DLGAP1: variants seen among roughly 807,000 people sequenced by gnomAD.
DLGAP1 encodes DLG associated protein 1, also known as disks large-associated protein 1.
DLGAP1 carries 11 observed loss-of-function variants against 90.8 expected under a neutral mutation model. The observed-to-expected ratio is 0.12, with a 90% CI of 0.08 to 0.20. The LOEUF is 0.20. Ranked by LOEUF, DLGAP1 falls within the 10% of genes least tolerant of loss-of-function variation. The pLI, the probability that DLGAP1 is intolerant of heterozygous loss-of-function variation, is 1.00. For missense variants in DLGAP1, 1,050 were observed against 1,333.8 expected (o/e 0.79, Z 3.31); for synonymous variants, 558 against 540.7 (o/e 1.03, Z -0.44).
intron 7 of DLGAP1, among the ~76,000 whole-genome samples, chr18:3,709,149 T>C (rs954240771): frequency 6.6e-6 from 1 of 152,188 alleles, no homozygotes; most frequent in East Asian, 1.9e-4. Context: ...TTGCAAATGA[T>C]GGCAAGTGCT....
Position 4,258,546 on chromosome 18 carries a change from A to G in DLGAP1, c.-266-107259T>C, listed in dbSNP as rs551992360. Among the ~76,000 whole-genome samples, 4 of 152,300 alleles carry G rather than the reference A, an allele frequency of 2.6e-5. No individual in the cohort carries two copies. The East Asian group carries it at 7.7e-4, about 29-fold the overall frequency. The stretch of plus-strand genomic sequence containing the variant: ...GAAAAATACAAAAAAAAAGCATGAT[A>G]TAATTGTGAACATTTTCCTACACAA... On this transcript the variant is annotated intron_variant, in intron 1 of 12. Transcript: ENST00000315677.
At chr18:3,673,715 T>C (rs930696503) in intron 7 of DLGAP1, among the ~76,000 whole-genome samples, 2 of 150,602 alleles carry the variant, frequency 1.3e-5, no homozygotes, top group African/African-American at 4.9e-5. Context: ...CCCAGCTAAT[T>C]TTTTATTTTT....
At chr18:4,140,552 C>T (rs1004635781) in intron 2 of DLGAP1, among the ~76,000 whole-genome samples, 4 of 151,744 alleles carry the variant, frequency 2.6e-5, no homozygotes, top group East Asian at 3.9e-4. Flanking sequence ...AGTCAAGATA[C>T]GAATAGTTTA....
At chr18:4,134,240 G>A (rs2076364226) in intron 2 of DLGAP1, among the ~76,000 whole-genome samples, 1 of 151,966 alleles carries the variant, frequency 6.6e-6, no homozygotes, top group Non-Finnish European at 1.5e-5. Flanking sequence ...ATCCTCCCCA[G>A]CTAATTCCTT....
chr18:3,595,913 T>A (rs2056548812), intron 7 of DLGAP1, among the ~76,000 whole-genome samples: 1 of 152,226 alleles, frequency 6.6e-6, no homozygotes, highest in Non-Finnish European at 1.5e-5. Context: ...TTTTCAACAT[T>A]TTTAACAATG....
Position 3,879,245 on chromosome 18 carries a change from T to G in DLGAP1, c.824A>C (p.Lys275Thr). 1.3e-6 allele frequency: 2 copies of G among 1,597,132 alleles called. No homozygotes were observed. Among genetic ancestry groups the G allele is most frequent in the Non-Finnish European group, 8.5e-7 (1 of 1,171,580 alleles). ...LPVSLDTPLLKKSAWSSTLTV... is the reference protein window; with the variant it reads ...LPVSLDTPLLTKSAWSSTLTV... ...GAGCGTGGAGGACCAGGCGCTCTTCTTCAGCAGCGGGGTGTCCAGGCTGAC... is the reference window on the plus strand; with the variant it reads ...GAGCGTGGAGGACCAGGCGCTCTTCGTCAGCAGCGGGGTGTCCAGGCTGAC... The change falls in exon 4 of 13, where the codon AAG (lysine) becomes ACG (threonine). Residue 275 changes from lysine (K) to threonine (T), a missense_variant. Around this residue, in one of 2 missense-constraint regions of DLGAP1, gnomAD observed 485 missense variants for 454.1 expected, o/e 1.07. Transcript: ENST00000315677. The surrounding 1 kb of genome is among the most constrained non-coding windows in gnomAD (Gnocchi z 6.6).
chr18:3,736,290 G>A (rs1404043572), intron 6 of DLGAP1, among the ~76,000 whole-genome samples: 1 of 152,010 alleles, frequency 6.6e-6, no homozygotes, highest in Admixed American at 6.6e-5. Flanking sequence ...TACTTTAAAA[G>A]CCCTCATTTT....
intron 2 of DLGAP1, among the ~76,000 whole-genome samples, chr18:4,110,516 T>C (rs893410361): frequency 1.3e-5 from 2 of 152,198 alleles, no homozygotes; most frequent in African/African-American, 4.8e-5. Flanking sequence ...TAAAAAATAC[T>C]GTGCACAGGC....
chr18:4,148,480 A>T (rs2076622517), intron 2 of DLGAP1, among the ~76,000 whole-genome samples: 1 of 152,238 alleles, frequency 6.6e-6, no homozygotes, highest in South Asian at 2.1e-4. Flanking sequence ...GGGAGCAGTA[A>T]ACTAATGAGG....
intron 1 of DLGAP1, among the ~76,000 whole-genome samples, chr18:4,235,123 T>C (rs1598687151): frequency 1.3e-5 from 2 of 152,052 alleles, no homozygotes; most frequent in African/African-American, 2.4e-5. Flanking sequence ...TACTCAAACC[T>C]GTTTTCCAGC....
chr18:4,187,366 C>T (rs781205596), intron 1 of DLGAP1, among the ~76,000 whole-genome samples: 49 of 152,118 alleles, frequency 3.2e-4, no homozygotes, highest in African/African-American at 1.0e-3. Flanking sequence ...GCCCAGTGAA[C>T]GCTCCTTTAA....
At chr18:3,515,549 T>G (rs1295061747) in intron 10 of DLGAP1, among the ~76,000 whole-genome samples, 1 of 146,012 alleles carries the variant, frequency 6.8e-6, no homozygotes, top group Non-Finnish European at 1.5e-5. Flanking sequence ...GAGGCCAAGA[T>G]AGGAGGATTG....
intron 10 of DLGAP1, among the ~76,000 whole-genome samples, chr18:3,509,363 T>C (rs2050410823): frequency 6.6e-6 from 1 of 152,200 alleles, no homozygotes. Flanking sequence ...GCTGAAAATC[T>C]CCGTCTCTGC....
rs370509898 is a variant in DLGAP1 at position 4,111,671 on chromosome 18, C to T, written c.-159+39509G>A. Among the ~76,000 whole-genome samples, 11 of 152,020 alleles carry T rather than the reference C, an allele frequency of 7.2e-5. No individual in the cohort carries two copies. In the East Asian group the frequency reaches 1.5e-3, roughly 21 times the overall value. ...TAGATTTTCTCTTTGTCTGATAATT[C>T]GTGTTTTTCTAGGAATTTGTCCATT... On this transcript the variant is annotated intron_variant, in intron 2 of 12. Coordinates refer to ENST00000315677, the MANE Select transcript of DLGAP1 (RefSeq NM_004746.4).
intron 2 of DLGAP1, among the ~76,000 whole-genome samples, chr18:4,094,511 T>C (rs1357075309): frequency 6.6e-6 from 1 of 152,028 alleles, no homozygotes; most frequent in Non-Finnish European, 1.5e-5. Context: ...TTCTGTAGAA[T>C]TGATTCTTTT....
chr18:4,217,196 T>A (rs1325739450), intron 1 of DLGAP1, among the ~76,000 whole-genome samples: 2 of 152,116 alleles, frequency 1.3e-5, no homozygotes, highest in Non-Finnish European at 2.9e-5. Context: ...TCCCTGCACA[T>A]CTTTTTGAGG....
chr18:4,011,268 A>G (rs1430972790), intron 2 of DLGAP1, among the ~76,000 whole-genome samples: 2 of 151,550 alleles, frequency 1.3e-5, no homozygotes, highest in Non-Finnish European at 2.9e-5. Flanking sequence ...CCCCGCTTTT[A>G]TAAGTGCCAC....
chr18:3,548,772 C>G (rs1301016639), intron 9 of DLGAP1, among the ~76,000 whole-genome samples: 1 of 152,174 alleles, frequency 6.6e-6, no homozygotes, highest in African/African-American at 2.4e-5. Context: ...TGCAGTGGTT[C>G]AGGCCTGTAA....
intron 3 of DLGAP1, among the ~76,000 whole-genome samples, chr18:4,001,890 C>G (rs982952949): frequency 6.6e-6 from 1 of 152,172 alleles, no homozygotes; most frequent in South Asian, 2.1e-4. Flanking sequence ...GCCCACCAAG[C>G]CTTACAGTGA....
Sources: gnomAD v4.1 joint callset for allele counts (sites outside exome capture counted in the v4.1 genomes callset) on GRCh38, gnomAD v4.1.1 for gene constraint, gnomAD v4.1.1 regional missense constraint, Gnocchi (gnomAD v3.1) non-coding constraint, MANE v1.5 for transcripts, NCBI Gene and HGNC (gene_info 2026-07-23, HGNC 2026-07-21) for gene names.